Variants in RAD51B observed in about 807,000 individuals in gnomAD.
RAD51B encodes RAD51 paralog B.
RAD51B carries 38 observed loss-of-function variants against 42.2 expected under a neutral mutation model. The observed-to-expected ratio is 0.90, with a 90% CI of 0.70 to 1.18. The LOEUF (loss-of-function observed/expected upper bound fraction) is 1.18, where lower values mean the gene tolerates loss of function less well. Ranked by LOEUF, RAD51B falls within the 50% of genes most tolerant of loss-of-function variation. The probability of loss-of-function intolerance (pLI) is 0.00; values close to 1 mark genes in which losing one functional copy is unlikely to be tolerated. For synonymous variants in RAD51B, 154 were observed against 145.2 expected (o/e 1.06, Z -0.43); for missense variants, 373 against 400.7 (o/e 0.93, Z 0.59).
intron 5 of RAD51B, among the ~76,000 whole-genome samples, chr14:67,873,016 GA>G (rs1797396467): frequency 6.6e-6 from 1 of 152,164 alleles, no homozygotes; most frequent in Non-Finnish European, 1.5e-5. Flanking sequence ...TACCATTCAG[GA>G]CATAGGCATG....
chr14:68,222,932 A>G (rs2079959918), intron 7 of RAD51B, among the ~76,000 whole-genome samples: 1 of 152,008 alleles, frequency 6.6e-6, no homozygotes, highest in Non-Finnish European at 1.5e-5. Context: ...ATGCACACAT[A>G]CCCTGACCAG....
At chr14:67,870,523 TCAA>T (rs1292011708) in intron 5 of RAD51B, among the ~76,000 whole-genome samples, 1 of 121,970 alleles carries the variant, frequency 8.2e-6, no homozygotes, top group African/African-American at 3.4e-5. Context: ...ATTAGACAGA[TCAA>T]CGAGACAGAA....
intron 11 of RAD51B, among the ~76,000 whole-genome samples, chr14:68,661,272 A>G (rs1244391393): frequency 6.6e-6 from 1 of 152,218 alleles, no homozygotes; most frequent in African/African-American, 2.4e-5. Context: ...CACACTGCAG[A>G]ACAGGAGAAA....
intron 10 of RAD51B, among the ~76,000 whole-genome samples, chr14:68,620,170 GA>G (rs1282587204): frequency 6.6e-6 from 1 of 152,096 alleles, no homozygotes; most frequent in African/African-American, 2.4e-5. Context: ...TTCTTTTAGA[GA>G]AAAAGTCTAT....
chr14:68,083,839 G>A (rs2076948326), intron 7 of RAD51B, among the ~76,000 whole-genome samples: 1 of 151,888 alleles, frequency 6.6e-6, no homozygotes, highest in Non-Finnish European at 1.5e-5. Flanking sequence ...AAGTACAAGC[G>A]ACAATAAAAC....
At chr14:68,020,136 G>A (rs1332756252) in intron 7 of RAD51B, among the ~76,000 whole-genome samples, 2 of 152,050 alleles carry the variant, frequency 1.3e-5, no homozygotes, top group Admixed American at 6.6e-5. Flanking sequence ...CTTTAACGGG[G>A]TCTCACTATC....
chr14:68,256,546 T>G lies in RAD51B; in HGVS notation c.757-35338T>G, dbSNP rs538073724. Among the ~76,000 whole-genome samples, 46 of 152,306 alleles carry G rather than the reference T, an allele frequency of 3.0e-4. No individual in the cohort carries two copies. The South Asian group carries it at 8.9e-3, about 30-fold the overall frequency. ...ATTCCAGTGGATCCCCAGGAACAGC[T>G]CTACTGCTCTCAGCGAAAGAGGCCT... On this transcript the variant is annotated intron_variant, in intron 7 of 10. Transcript: ENST00000471583.
chr14:67,823,653 G>C, intron 2 of RAD51B, 26 bp downstream of exon 2: 1 of 1,572,586 alleles, frequency 6.4e-7, no homozygotes, highest in Non-Finnish European at 8.7e-7. Flanking sequence ...CATTTTTATT[G>C]ATAAGTTTTA....
chr14:67,976,943 G>C (rs28751570), intron 7 of RAD51B, among the ~76,000 whole-genome samples: 10,455 of 152,024 alleles, frequency 0.069, 871 homozygotes, highest in African/African-American at 0.2. Context: ...GACATTTATG[G>C]AGCCAAAAAA....
At chr14:68,359,243 AG>A (rs2082970112) in intron 8 of RAD51B, among the ~76,000 whole-genome samples, 1 of 152,112 alleles carries the variant, frequency 6.6e-6, no homozygotes, top group Non-Finnish European at 1.5e-5. Flanking sequence ...ATAAGGCAGC[AG>A]GAGAGTAAAC....
chr14:68,104,929 A>C (rs1455949042), intron 7 of RAD51B, among the ~76,000 whole-genome samples: 1 of 152,154 alleles, frequency 6.6e-6, no homozygotes, highest in East Asian at 1.9e-4. Flanking sequence ...GGAGAAATTC[A>C]TAAAGTTTAT....
rs185148494 is a variant in RAD51B, at chr14:68,498,259, T to G, written c.1036+30009T>G. The stretch of plus-strand genomic sequence containing the variant: ...TGAAGACACAAATTTTTCACAAACA[T>G]GCAGGCAGAGAAAGGAGAGAAAGTG... On this transcript the variant is annotated intron_variant, in intron 10 of 10. Coordinates refer to the RAD51B transcript ENST00000487270. Among the ~76,000 whole-genome samples, 638 of 152,302 alleles carry G rather than the reference T, an allele frequency of 4.2e-3. 2 individuals carry two copies. Among genetic ancestry groups the G allele is most frequent in the African/African-American group, 0.014 (600 of 41,568 alleles).
rs577569777 is a variant in RAD51B at position 68,078,743 on chromosome 14, A to G, written c.756+191539A>G. Among the ~76,000 whole-genome samples, 44 of 152,328 alleles carry G rather than the reference A, an allele frequency of 2.9e-4. 1 individual carries two copies. Among genetic ancestry groups the G allele is most frequent in the Middle Eastern group, 6.8e-3 (2 of 294 alleles). ...GGTGGCTCATGCCCGTAGTCCCAGCACTTTGGGAGGCCAAAGTGGAAGGAC... is the reference window on the plus strand; with the variant it reads ...GGTGGCTCATGCCCGTAGTCCCAGCGCTTTGGGAGGCCAAAGTGGAAGGAC... On this transcript the variant is annotated intron_variant, in intron 7 of 10. Coordinates refer to ENST00000471583, the MANE Select transcript of RAD51B (RefSeq NM_133510.4).
intron 7 of RAD51B, among the ~76,000 whole-genome samples, chr14:68,108,520 G>A (rs1050326369): frequency 6.6e-6 from 1 of 151,936 alleles, no homozygotes; most frequent in African/African-American, 2.4e-5. Flanking sequence ...ATAGCTAGAT[G>A]TTGTATAATT....
exon 11 of RAD51B, chr14:68,594,557 A>T: frequency 7.5e-7 from 1 of 1,328,362 alleles, no homozygotes; most frequent in South Asian, 1.2e-5. Context: ...CAGCCTCCTG[A>T]GCAGCTAGGA....
At chr14:67,877,601 A>T (rs1257488415) in intron 5 of RAD51B, among the ~76,000 whole-genome samples, 1 of 152,174 alleles carries the variant, frequency 6.6e-6, no homozygotes, top group Non-Finnish European at 1.5e-5. Context: ...AGTTTTACAC[A>T]TTGAAAATAT....
At chr14:68,452,879 G>T (rs1028539408) in intron 9 of RAD51B, among the ~76,000 whole-genome samples, 4 of 152,166 alleles carry the variant, frequency 2.6e-5, no homozygotes, top group Non-Finnish European at 5.9e-5. Context: ...GCCAAGATTT[G>T]AAGCCATGCT....
At chr14:67,848,390 T>C (rs2041694136) in intron 4 of RAD51B, among the ~76,000 whole-genome samples, 1 of 152,180 alleles carries the variant, frequency 6.6e-6, no homozygotes. Context: ...GTCTGTTTTA[T>C]CTGGTATAAG....
chr14:67,848,494 C>T (rs190334633), intron 4 of RAD51B, among the ~76,000 whole-genome samples: 47 of 152,198 alleles, frequency 3.1e-4, no homozygotes, highest in Admixed American at 9.2e-4. Context: ...AGATGGGTCT[C>T]TTGAAGACAG....
Sources: allele counts gnomAD v4.1 joint callset (sites outside exome capture counted in the v4.1 genomes callset), GRCh38; gene constraint gnomAD v4.1.1; transcripts MANE v1.5; gene names NCBI Gene and HGNC (gene_info 2026-07-23, HGNC 2026-07-21).